Variants in NRG1 observed in about 807,000 individuals in gnomAD.
NRG1 encodes pro-neuregulin-1, membrane-bound isoform.
NRG1 carries 18 observed loss-of-function variants against 63.8 expected under a neutral mutation model. The observed-to-expected ratio is 0.28, with a 90% CI of 0.19 to 0.42. The LOEUF is 0.42. Ranked by LOEUF, NRG1 falls within the 10% of genes least tolerant of loss-of-function variation. NRG1 has a pLI of 1.00. For synonymous variants in NRG1, 302 were observed against 301.3 expected (o/e 1.00, Z -0.02); for missense variants, 762 against 814.7 (o/e 0.94, Z 0.79).
At chr8:32,136,255 A>G (rs1266532393) in intron 1 of NRG1, among the ~76,000 whole-genome samples, 2 of 152,182 alleles carry the variant, frequency 1.3e-5, no homozygotes, top group African/African-American at 4.8e-5. Flanking sequence ...CCTTAAGCGC[A>G]TGGTTCCTCT....
intron 1 of NRG1, among the ~76,000 whole-genome samples, chr8:31,849,416 ATATT>A (rs761485713): frequency 6.6e-6 from 1 of 152,222 alleles, no homozygotes; most frequent in Non-Finnish European, 1.5e-5. Context: ...TTAGGAGAGA[ATATT>A]TAACTCATTT....
chr8:32,399,181 G>T (rs1812840502), intron 1 of NRG1, among the ~76,000 whole-genome samples: 1 of 152,102 alleles, frequency 6.6e-6, no homozygotes, highest in East Asian at 1.9e-4. Context: ...ATTGAGGAAG[G>T]TTCATTAGCA....
chr8:31,681,323 T>G (rs1808319789), intron 1 of NRG1, among the ~76,000 whole-genome samples: 3 of 152,138 alleles, frequency 2.0e-5, no homozygotes, highest in Non-Finnish European at 2.9e-5. Flanking sequence ...TATTTATCCT[T>G]GTTAAAATGT....
chr8:32,513,414 GA>G (rs138317310), intron 1 of NRG1, among the ~76,000 whole-genome samples: 22,294 of 134,696 alleles, frequency 0.17, 3,115 homozygotes, highest in East Asian at 0.62. Flanking sequence ...TAGCTCTTCC[GA>G]AAAAAAAAAA....
intron 1 of NRG1, among the ~76,000 whole-genome samples, chr8:32,213,406 G>GA (rs1230866039): frequency 6.6e-6 from 1 of 152,084 alleles, no homozygotes; most frequent in East Asian, 1.9e-4. Flanking sequence ...AATGGGGGCT[G>GA]AAAAATGAGA....
At chr8:32,391,870 C>T (rs1322539261) in intron 1 of NRG1, among the ~76,000 whole-genome samples, 1 of 152,144 alleles carries the variant, frequency 6.6e-6, no homozygotes, top group Non-Finnish European at 1.5e-5. Flanking sequence ...TTTGGATGTA[C>T]TTTTCTCGAG....
intron 1 of NRG1, among the ~76,000 whole-genome samples, chr8:32,342,450 A>G (rs1375481606): frequency 6.6e-6 from 1 of 152,172 alleles, no homozygotes; most frequent in African/African-American, 2.4e-5. Flanking sequence ...CAGCAACACA[A>G]TACATTTCCT....
intron 1 of NRG1, among the ~76,000 whole-genome samples, chr8:32,538,622 G>C (rs987069974): frequency 1.3e-5 from 2 of 152,154 alleles, no homozygotes; most frequent in African/African-American, 4.8e-5. Context: ...GCTTGGAAAA[G>C]TTACAGTTGC....
At chr8:32,053,173 GC>G (rs1381682209) in intron 1 of NRG1, among the ~76,000 whole-genome samples, 5 of 152,078 alleles carry the variant, frequency 3.3e-5, no homozygotes, top group African/African-American at 4.8e-5. Flanking sequence ...GAATTGCCTG[GC>G]TGGTTGAATT....
intron 1 of NRG1, among the ~76,000 whole-genome samples, chr8:32,302,481 G>A (rs2129475257): frequency 6.6e-6 from 1 of 152,312 alleles, no homozygotes; most frequent in Non-Finnish European, 1.5e-5. Context: ...GCAGAGAGTA[G>A]TCTGAATGCT....
At chr8:32,208,618 T>C (rs544613915) in intron 1 of NRG1, among the ~76,000 whole-genome samples, 1 of 152,280 alleles carries the variant, frequency 6.6e-6, no homozygotes, top group Non-Finnish European at 1.5e-5. Flanking sequence ...CCATTAAATA[T>C]ATATAGCCTA....
At chr8:31,664,410 G>C (rs1001735423) in intron 1 of NRG1, among the ~76,000 whole-genome samples, 1 of 152,182 alleles carries the variant, frequency 6.6e-6, no homozygotes, top group Admixed American at 6.5e-5. Context: ...GTGAGAGAAG[G>C]TGTTGATAGT....
intron 1 of NRG1, among the ~76,000 whole-genome samples, chr8:32,173,856 C>G (rs1840371306): frequency 6.6e-6 from 1 of 151,960 alleles, no homozygotes; most frequent in African/African-American, 2.4e-5. Flanking sequence ...CCTTAGAGAC[C>G]AGGAAGAGAC....
intron 1 of NRG1, among the ~76,000 whole-genome samples, chr8:31,834,676 A>T (rs1032330337): frequency 1.6e-4 from 25 of 152,128 alleles, no homozygotes; most frequent in Non-Finnish European, 3.4e-4. Context: ...ACATCACTAC[A>T]CTCCAGTCTG....
chr8:32,444,576 A>C (rs10954844), intron 1 of NRG1, among the ~76,000 whole-genome samples: 18,968 of 152,264 alleles, frequency 0.12, 1,402 homozygotes, highest in Admixed American at 0.24. Flanking sequence ...TCATTAAAGC[A>C]GTTGACTTGT....
chr8:32,322,397 T>G (rs925376466), intron 1 of NRG1, among the ~76,000 whole-genome samples: 4 of 150,932 alleles, frequency 2.7e-5, no homozygotes, highest in Non-Finnish European at 4.4e-5. Context: ...TTGATTGTTT[T>G]TAATGTAGCC....
rs1563875767 is a variant in NRG1 at position 32,177,620 on chromosome 8, A to G, written c.38-418208A>G. ...CATGTGTTCTCATTGTTCAACTCCCACTTATGAGTGAGAACATGCGGTATT... is the reference window on the plus strand; with the variant it reads ...CATGTGTTCTCATTGTTCAACTCCCGCTTATGAGTGAGAACATGCGGTATT... On this transcript the variant is annotated intron_variant, in intron 1 of 10. Coordinates refer to the NRG1 transcript ENST00000519301. Among the ~76,000 whole-genome samples, 3 of 151,746 alleles carry G rather than the reference A, an allele frequency of 2.0e-5. No homozygotes were observed. In the East Asian group the frequency reaches 5.9e-4, roughly 30 times the overall value.
At chr8:31,861,482 A>G (rs572829586) in intron 1 of NRG1, among the ~76,000 whole-genome samples, 1 of 152,246 alleles carries the variant, frequency 6.6e-6, no homozygotes, top group South Asian at 2.1e-4. Context: ...ATTGAAGAGG[A>G]ACAAGGAGAA....
intron 1 of NRG1, among the ~76,000 whole-genome samples, chr8:32,223,842 A>G (rs1453826891): frequency 1.3e-5 from 2 of 152,184 alleles, no homozygotes; most frequent in African/African-American, 4.8e-5. Flanking sequence ...AGCAGCAGGA[A>G]AAATAAGCAG....
Sources: allele counts gnomAD v4.1 joint callset (sites outside exome capture counted in the v4.1 genomes callset), GRCh38; gene constraint gnomAD v4.1.1; transcripts MANE v1.5; gene names NCBI Gene and HGNC (gene_info 2026-07-23, HGNC 2026-07-21).